OBSL1: variants seen among roughly 807,000 people sequenced by gnomAD.
OBSL1 encodes obscurin-like protein 1.
In OBSL1, 160 loss-of-function variants were observed where a neutral mutation model predicts 172.0. The ratio of observed to expected loss-of-function variants is 0.93; its 90% confidence interval spans 0.82 to 1.06. OBSL1 has a LOEUF of 1.06. OBSL1 is among the 50% of genes least tolerant of loss of function. The pLI is 0.00. For missense variants in OBSL1, 2,681 were observed against 2,715.4 expected (o/e 0.99, Z 0.28); for synonymous variants, 1,200 against 1,196.3 (o/e 1.00, Z -0.06).
At chr2:219,569,784 GT>G (rs1458247272) in intron 1 of OBSL1, among the ~76,000 whole-genome samples, 1 of 152,188 alleles carries the variant, frequency 6.6e-6, no homozygotes, top group Non-Finnish European at 1.5e-5. Flanking sequence ...CTCACTGATG[GT>G]TTAGAAGTAC....
At chr2:219,562,031 G>T (rs1210682507) in intron 8 of OBSL1, 1 of 717,144 alleles carries the variant, frequency 1.4e-6, no homozygotes. Flanking sequence ...CAAAGCACAT[G>T]TGTGGAATGC....
rs1292663596 is a variant in OBSL1 at position 219,570,805 on chromosome 2, G to GC, written c.427dup (p.Ala143GlyfsTer111). On this transcript the variant is annotated frameshift_variant, in exon 1 of 21. Transcript: ENST00000404537. LOFTEE classifies it high-confidence loss of function. Reference sequence around the variant, plus strand: ...CGCCCGGCACGTCAGCACCACCTCCGCCCCCCGCAGCACCCACTGGGATCG... The same window carrying GC: ...CGCCCGGCACGTCAGCACCACCTCCGCCCCCCCGCAGCACCCACTGGGATCG... 4.7e-6 allele frequency: 7 copies of GC among 1,489,728 alleles called. No homozygotes were observed. Among genetic ancestry groups the GC allele is most frequent in the African/African-American group, 2.9e-5 (2 of 68,844 alleles). 92.3% of individuals were successfully genotyped at this position (1,489,728 alleles called of 1,614,324 possible). A position where few individuals can be genotyped will look rare whatever the true frequency, so the allele number is the denominator to read the frequency against.
rs145850612 is a variant in OBSL1, at chr2:219,567,520, G to A, written c.1590C>T (p.His530=). 133 of 1,613,472 alleles carry A rather than the reference G, an allele frequency of 8.2e-5. No homozygotes were observed. The East Asian group carries it at 2.9e-3, about 35-fold the overall frequency. ...TCCAGGTCAACAGGACCGTGTTCTTGTGGCCCTTGAACATCTCTGCCAATA... is the reference window on the plus strand; with the variant it reads ...TCCAGGTCAACAGGACCGTGTTCTTATGGCCCTTGAACATCTCTGCCAATA... The part of the protein sequence containing the change: ...PPILAEMFKG[H]KNTVLLTWKP... Residue 530 remains histidine, a synonymous_variant, in exon 4 of 21, where the codon CAC becomes CAT. Coordinates refer to ENST00000404537, the MANE Select transcript of OBSL1 (RefSeq NM_015311.3).
chr2:219,561,622 T>G (rs1574552156), intron 8 of OBSL1: 1 of 444,902 alleles, frequency 2.2e-6, no homozygotes, highest in East Asian at 3.9e-5. Flanking sequence ...CTCCCGTGTG[T>G]GGAAGGGTGA....
intron 6 of OBSL1, among the ~76,000 whole-genome samples, chr2:219,564,771 TAAAA>T (rs768324325): frequency 2.6e-5 from 4 of 152,120 alleles, no homozygotes; most frequent in African/African-American, 9.6e-5. Flanking sequence ...ACCCTCATCT[TAAAA>T]AAAGAAAGAA....
At chr2:219,562,025 G>A (rs762772113) in intron 8 of OBSL1, 7 of 717,414 alleles carry the variant, frequency 9.8e-6, no homozygotes, top group South Asian at 5.9e-5. Context: ...ACCAAACAAA[G>A]CACATGTGTG....
rs760792173 is a variant in OBSL1 at position 219,563,660 on chromosome 2, C to T, written c.2408-33G>A. 12 of 1,591,452 alleles carry T rather than the reference C, an allele frequency of 7.5e-6. No homozygotes were observed. The Admixed American group carries it at 2.0e-4, about 27-fold the overall frequency. On this transcript the variant is annotated intron_variant, in intron 6 of 20. Transcript: ENST00000404537. ...GGAAGCAGAGATGGCATTGCACAGACACCCCCGCACAATGAGTCCAAACTA... is the reference window on the plus strand; with the variant it reads ...GGAAGCAGAGATGGCATTGCACAGATACCCCCGCACAATGAGTCCAAACTA...
rs1695790476 is a variant in OBSL1 at position 219,553,605 on chromosome 2, GA to G, written c.4957del (p.Ser1653ProfsTer60). 5 of 1,613,910 alleles carry G rather than the reference GA, an allele frequency of 3.1e-6. No individual in the cohort carries two copies. The highest frequency in any genetic ancestry group is 1.1e-5 in the South Asian group (1 of 91,060). ...CCAGGTAACATCAGCCAAAGCTTGG[GA>G]AAGCTCGCACTCGAACGTAGCTGTG... ...GDTATFECEL[S>X]QALADVTWEK... On this transcript the variant is annotated frameshift_variant, in exon 16 of 21. Transcript: ENST00000404537. LOFTEE classifies it high-confidence loss of function.
intron 8 of OBSL1, among the ~76,000 whole-genome samples, chr2:219,560,235 A>C (rs1484778376): frequency 6.6e-6 from 1 of 152,034 alleles, no homozygotes; most frequent in East Asian, 1.9e-4. Context: ...GGCTACACCC[A>C]CTCTGGGGCA....
chr2:219,566,412 T>G (rs1696895953), intron 5 of OBSL1, among the ~76,000 whole-genome samples: 1 of 151,216 alleles, frequency 6.6e-6, no homozygotes, highest in Non-Finnish European at 1.5e-5. Context: ...TATAGGGCCA[T>G]TGAGAAGATT....
At chr2:219,555,616 T>C in intron 14 of OBSL1, 1 of 1,018,794 alleles carries the variant, frequency 9.8e-7, no homozygotes, top group Non-Finnish European at 1.2e-6. Context: ...CTCAAAGAGG[T>C]TAACTTGCAT....
Position 219,550,757 on chromosome 2 carries a change from C to T in OBSL1, c.*78G>A, listed in dbSNP as rs1695556440. On this transcript the variant is annotated 3_prime_UTR_variant, in exon 21 of 21. Coordinates refer to ENST00000404537, the MANE Select transcript of OBSL1 (RefSeq NM_015311.3). ...CTGTAGCACTTTTATTGTTCCTTGT[C>T]TCTCTACCCCTGCCCAGGGTAAGGG... is the stretch of plus-strand genomic sequence containing the variant. 1 of 1,555,522 alleles carries T rather than the reference C, an allele frequency of 6.4e-7. No homozygotes were observed. The highest frequency in any genetic ancestry group is 2.3e-5 in the East Asian group (1 of 42,726).
Position 219,567,321 on chromosome 2 carries a change from C to T in OBSL1, c.1789G>A (p.Gly597Arg), listed in dbSNP as rs368066456. The change falls in exon 4 of 21, where the codon GGA (glycine) becomes AGA (arginine). Residue 597 changes from glycine (G) to arginine (R), a missense_variant. Coordinates refer to ENST00000404537, the MANE Select transcript of OBSL1 (RefSeq NM_015311.3). ...DYRFRICTVS[G>R]HGRSPHVVFH... Reference sequence around the variant, plus strand: ...ACCACGTGGGGACTACGGCCATGTCCGCTGACTGTGCAGATGCGGAAGCGG... The same window carrying T: ...ACCACGTGGGGACTACGGCCATGTCTGCTGACTGTGCAGATGCGGAAGCGG... 196 of 1,607,422 alleles carry T rather than the reference C, an allele frequency of 1.2e-4. No homozygotes were observed. In the South Asian group the frequency reaches 1.8e-3, roughly 15 times the overall value.
In OBSL1 at chr2:219,570,508, G is replaced by A. The variant is rs1697266447; in HGVS notation, c.725C>T (p.Ala242Val). The change falls in exon 1 of 21, where the codon GCG becomes GTG. Residue 242 changes from alanine (A) to valine (V), a missense_variant. Coordinates refer to ENST00000404537, the MANE Select transcript of OBSL1 (RefSeq NM_015311.3). Reference protein sequence around the residue: ...SPPADPDEAPAPVVEPLKCAP... With the variant: ...SPPADPDEAPVPVVEPLKCAP... ...GCACTTGAGCGGCTCCACCACCGGC[G>A]CGGGGGCCTCGTCGGGGTCCGCGGG... The A allele has an allele frequency of 6.2e-7, 1 of 1,611,300 alleles. No homozygotes were observed. Among genetic ancestry groups the A allele is most frequent in the Non-Finnish European group, 8.5e-7 (1 of 1,179,060 alleles).
chr2:219,566,863 C>T lies in OBSL1; in HGVS notation c.2101G>A (p.Gly701Ser), dbSNP rs200180548. The T allele has an allele frequency of 3.0e-5, 48 of 1,597,950 alleles. No individual in the cohort carries two copies. In the East Asian group the frequency reaches 3.8e-4, roughly 13 times the overall value. Residue 701 changes from glycine (G) to serine (S), a missense_variant, in exon 5 of 21, where the codon GGC (glycine) becomes AGC (serine). By Grantham distance (56) the Gly-to-Ser change is moderately conservative (BLOSUM62 0). Transcript: ENST00000404537. Reference sequence around the variant, plus strand: ...GTGAGGGCAGCTGAGTCCTGCACGCCGGGGCAGCTGAAGCCGACCAGGGCA... The same window carrying T: ...GTGAGGGCAGCTGAGTCCTGCACGCTGGGGCAGCTGAAGCCGACCAGGGCA... ...SGALVGFSCP[G>S]VQDSAALTIQ...
rs756150406 is a variant in OBSL1, at chr2:219,554,549, G to A, written c.4801C>T (p.Leu1601=). The change falls in exon 15 of 21, where the codon CTG becomes TTG. Residue 1601 remains leucine, a synonymous_variant. Coordinates refer to ENST00000404537, the MANE Select transcript of OBSL1 (RefSeq NM_015311.3). ...ACACAGCCTGAGTCGGCCAGGCCCA[G>A]GCCATTGAGTACCAGTCGGTGACGG... ...GHRHRLVLNG[L]GLADSGCVSF... is the part of the protein sequence containing the mutation. 1 of 1,613,536 alleles carries A rather than the reference G, an allele frequency of 6.2e-7. No individual in the cohort carries two copies. Among genetic ancestry groups the A allele is most frequent in the Admixed American group, 1.7e-5 (1 of 60,026 alleles).
downstream of OBSL1, chr2:219,549,376 A>G (rs192435604): frequency 2.8e-3 from 4,542 of 1,598,778 alleles, 45 homozygotes; most frequent in Middle Eastern, 0.022. Flanking sequence ...GAGCCCATCC[A>G]GCCAGAATGA....
At chr2:219,569,294 G>C (rs925237654) in intron 1 of OBSL1, 2 of 152,164 alleles carry the variant, frequency 1.3e-5, no homozygotes, top group Non-Finnish European at 2.9e-5. Context: ...CACCACCGCA[G>C]CCTGGGGGCA....
chr2:219,555,020 A>G (rs1246681582), intron 14 of OBSL1: 2 of 451,450 alleles, frequency 4.4e-6, no homozygotes, highest in Non-Finnish European at 8.0e-6. Context: ...CACTTGAAGG[A>G]GCACGGAATT....
Sources: allele counts gnomAD v4.1 joint callset (sites outside exome capture counted in the v4.1 genomes callset), GRCh38; gene constraint gnomAD v4.1.1; transcripts MANE v1.5; gene names NCBI Gene and HGNC (gene_info 2026-07-23, HGNC 2026-07-21).